Variants in ASPH observed in about 807,000 individuals in gnomAD.
ASPH encodes aspartate beta-hydroxylase.
ASPH carries 100 observed loss-of-function variants against 118.4 expected under a neutral mutation model. That is an observed-to-expected ratio of 0.84 (90% CI 0.72 to 1.00). The LOEUF is 1.00. Ranked by LOEUF, ASPH falls within the 50% of genes least tolerant of loss-of-function variation. ASPH has a pLI of 0.00. For missense variants in ASPH, 920 were observed against 919.5 expected (o/e 1.00, Z -0.01); for synonymous variants, 315 against 325.6 (o/e 0.97, Z 0.35).
chr8:61,630,734 G>T (rs993699377), intron 13 of ASPH, among the ~76,000 whole-genome samples: 19 of 152,114 alleles, frequency 1.2e-4, no homozygotes, highest in African/African-American at 4.6e-4. Flanking sequence ...CATAATATAT[G>T]ACAATGATAA....
chr8:61,636,320 G>A (rs113124664), intron 12 of ASPH, among the ~76,000 whole-genome samples: 184 of 152,266 alleles, frequency 1.2e-3, no homozygotes, highest in Non-Finnish European at 1.4e-3. Flanking sequence ...GAAAAAAATG[G>A]ATTTAAGAAA....
intron 3 of ASPH, among the ~76,000 whole-genome samples, chr8:61,669,258 G>A (rs1821210620): frequency 6.6e-6 from 1 of 152,218 alleles, no homozygotes; most frequent in East Asian, 1.9e-4. Flanking sequence ...CTATTATATT[G>A]TTCAAACCTC....
At position 61,665,090 on chromosome 8, in the gene ASPH, T is replaced by C. The variant is rs908073620; in HGVS notation, c.323-11430A>G. The C allele has an allele frequency of 1.0e-5, 14 of 1,405,506 alleles. No individual in the cohort carries two copies. The East Asian group carries it at 3.6e-4, about 36-fold the overall frequency. The allele number at this position is 1,405,506 out of a possible 1,614,324, so 87.1% of individuals were successfully genotyped here. A position where few individuals can be genotyped will look rare whatever the true frequency, so the allele number is the denominator to read the frequency against. ...TTACATTTAGAAGTATGAGACGGTA[T>C]ATTTAAATTTCAGGTAATTTACTTG... On this transcript the variant is annotated intron_variant, in intron 3 of 24. Coordinates refer to ENST00000379454, the MANE Select transcript of ASPH (RefSeq NM_004318.4).
chr8:61,518,740 C>A (rs750716058), intron 22 of ASPH, among the ~76,000 whole-genome samples: 3 of 152,152 alleles, frequency 2.0e-5, no homozygotes, highest in Non-Finnish European at 2.9e-5. Context: ...AAATGGCCTG[C>A]AACTACAGGT....
intron 22 of ASPH, among the ~76,000 whole-genome samples, chr8:61,521,425 C>A (rs1001189704): frequency 1.3e-5 from 2 of 152,182 alleles, no homozygotes; most frequent in Admixed American, 6.5e-5. Context: ...GCACTATTTG[C>A]CATTTTTCAG....
At chr8:61,565,349 C>T (rs1023109536) in intron 17 of ASPH, among the ~76,000 whole-genome samples, 2 of 152,062 alleles carry the variant, frequency 1.3e-5, no homozygotes, top group African/African-American at 4.8e-5. Context: ...TAATTTCAAC[C>T]TCCATGAATC....
intron 1 of ASPH, among the ~76,000 whole-genome samples, chr8:61,707,649 T>A (rs1434980536): frequency 6.6e-5 from 10 of 152,250 alleles, no homozygotes; most frequent in Middle Eastern, 3.4e-3. Context: ...CACATACATG[T>A]ACAGGGCAGC....
chr8:61,503,443 G>T lies in ASPH; in HGVS notation c.2193C>A (p.Ala731=). ...CGATGAATATCAGCCGGAAAGATGA[G>T]GCATCCTGCCATACCTCGTGCTCAA... ...DSFEHEVWQD[A]SSFRLIFIVD... is the part of the protein sequence containing the mutation. The change falls in exon 25 of 25, where the codon GCC becomes GCA. Residue 731 remains alanine, a synonymous_variant. Transcript: ENST00000379454. The T allele has an allele frequency of 6.2e-7, 1 of 1,613,006 alleles. No individual in the cohort carries two copies. Among genetic ancestry groups the T allele is most frequent in the Non-Finnish European group, 8.5e-7 (1 of 1,179,606 alleles).
chr8:61,677,589 T>C (rs1407727819), intron 3 of ASPH, among the ~76,000 whole-genome samples: 1 of 152,230 alleles, frequency 6.6e-6, no homozygotes, highest in African/African-American at 2.4e-5. Context: ...AACTATATTA[T>C]GTCATTGTTC....
intron 3 of ASPH, among the ~76,000 whole-genome samples, chr8:61,654,436 ACTC>A (rs146141456): frequency 0.014 from 2,147 of 152,130 alleles, 44 homozygotes; most frequent in African/African-American, 0.047. Context: ...CTGATCCTGG[ACTC>A]CTCCTGACCT....
At chr8:61,543,626 C>A (rs1185241328) in intron 21 of ASPH, among the ~76,000 whole-genome samples, 9 of 152,166 alleles carry the variant, frequency 5.9e-5, no homozygotes, top group Admixed American at 3.3e-4. Context: ...GGGCCCCTCA[C>A]AGGCAGTTTC....
intron 18 of ASPH, among the ~76,000 whole-genome samples, chr8:61,556,648 T>C (rs1235966701): frequency 6.6e-6 from 1 of 152,244 alleles, no homozygotes; most frequent in East Asian, 1.9e-4. Context: ...GCATTCATTA[T>C]GATTTAAAGA....
At chr8:61,677,437 C>G (rs1231736570) in intron 3 of ASPH, among the ~76,000 whole-genome samples, 1 of 152,062 alleles carries the variant, frequency 6.6e-6, no homozygotes. Flanking sequence ...CCACGTAATT[C>G]AGTCATTTAA....
chr8:61,626,985 C>A (rs973922271), intron 13 of ASPH, among the ~76,000 whole-genome samples: 1 of 151,980 alleles, frequency 6.6e-6, no homozygotes, highest in African/African-American at 2.4e-5. Context: ...AGCTGGATCC[C>A]AATATTTCCT....
chr8:61,609,197 G>C (rs1230701162), intron 14 of ASPH, among the ~76,000 whole-genome samples: 1 of 152,158 alleles, frequency 6.6e-6, no homozygotes, highest in Admixed American at 6.5e-5. Context: ...TAGCGACGGG[G>C]CTTTCTGTGC....
chr8:61,566,537 C>G (rs1191144214), intron 17 of ASPH, among the ~76,000 whole-genome samples: 1 of 152,204 alleles, frequency 6.6e-6, no homozygotes, highest in African/African-American at 2.4e-5. Flanking sequence ...AGGATTGACT[C>G]CAATTTTGAA....
intron 13 of ASPH, among the ~76,000 whole-genome samples, chr8:61,621,773 C>A (rs1851012357): frequency 6.6e-6 from 1 of 152,202 alleles, no homozygotes; most frequent in African/African-American, 2.4e-5. Flanking sequence ...CACTCTATAT[C>A]CCAGTAATGG....
At chr8:61,611,030 T>A (rs567138704) in intron 14 of ASPH, among the ~76,000 whole-genome samples, 2 of 152,318 alleles carry the variant, frequency 1.3e-5, no homozygotes, top group African/African-American at 2.4e-5. Flanking sequence ...AATGAATAAA[T>A]TTTTAAAGGA....
chr8:61,646,370 T>C (rs1405526367), intron 6 of ASPH, among the ~76,000 whole-genome samples: 2 of 152,212 alleles, frequency 1.3e-5, no homozygotes, highest in African/African-American at 2.4e-5. Context: ...GAATTGTGTT[T>C]TGCTCACTGT....
Sources: gnomAD v4.1 joint callset for allele counts (sites outside exome capture counted in the v4.1 genomes callset) on GRCh38, gnomAD v4.1.1 for gene constraint, MANE v1.5 for transcripts, NCBI Gene and HGNC (gene_info 2026-07-23, HGNC 2026-07-21) for gene names.